TMEM132B: variants seen among roughly 807,000 people sequenced by gnomAD.
The protein encoded by TMEM132B is transmembrane protein 132B.
In TMEM132B, 18 loss-of-function variants were observed where a neutral mutation model predicts 90.8. The observed-to-expected ratio is 0.20, with a 90% CI of 0.14 to 0.29. The LOEUF (loss-of-function observed/expected upper bound fraction) is 0.29. Among genes scored for constraint, TMEM132B ranks in the 10% least tolerant of loss-of-function variants. The pLI is 1.00. For synonymous variants in TMEM132B, 504 were observed against 523.3 expected (o/e 0.96, Z 0.50); for missense variants, 1,096 against 1,326.8 (o/e 0.83, Z 2.70).
intron 1 of TMEM132B, among the ~76,000 whole-genome samples, chr12:125,292,404 T>G (rs1227814454): frequency 6.6e-6 from 1 of 152,240 alleles, no homozygotes; most frequent in Non-Finnish European, 1.5e-5. Flanking sequence ...AGGGAAGATT[T>G]GGTTTGATTA....
intron 5 of TMEM132B, among the ~76,000 whole-genome samples, chr12:125,615,317 T>C (rs1315815631): frequency 6.6e-6 from 1 of 152,098 alleles, no homozygotes; most frequent in African/African-American, 2.4e-5. Context: ...TAGATATATA[T>C]ATATGATATC....
intron 1 of TMEM132B, among the ~76,000 whole-genome samples, chr12:125,212,667 C>A (rs1482319953): frequency 6.6e-6 from 1 of 152,204 alleles, no homozygotes; most frequent in East Asian, 1.9e-4. Context: ...GCACCCCAAT[C>A]TGGGCGACAA....
intron 5 of TMEM132B, among the ~76,000 whole-genome samples, chr12:125,612,583 A>G (rs1421595345): frequency 1.4e-5 from 2 of 145,734 alleles, no homozygotes; most frequent in East Asian, 4.0e-4. Flanking sequence ...TAAAATATAT[A>G]TTATATATAT....
chr12:125,519,497 G>C lies in TMEM132B; in HGVS notation c.1165G>C (p.Asp389His), dbSNP rs748767205. The change falls in exon 4 of 9, where the codon GAC becomes CAC. Residue 389 changes from aspartate to histidine, a missense_variant. Transcript: ENST00000682704. ...QVDFGIDNSS[D>H]LAGAQQITWQ... ...GGACTTTGGAATTGATAATAGCAGT[G>C]ACCTGGCTGGGGCCCAGCAGATTAC... 1 of 1,614,124 alleles carries C rather than the reference G, an allele frequency of 6.2e-7. No individual in the cohort carries two copies. Among genetic ancestry groups the C allele is most frequent in the South Asian group, 1.1e-5 (1 of 91,054 alleles).
At chr12:125,540,513 GA>G (rs1883926287) in intron 4 of TMEM132B, among the ~76,000 whole-genome samples, 1 of 152,202 alleles carries the variant, frequency 6.6e-6, no homozygotes, top group Admixed American at 6.5e-5. Flanking sequence ...TAAAATTTAA[GA>G]TGGTTATATT....
At chr12:125,322,938 T>C (rs1259547647) in intron 1 of TMEM132B, among the ~76,000 whole-genome samples, 1 of 152,166 alleles carries the variant, frequency 6.6e-6, no homozygotes, top group African/African-American at 2.4e-5. Context: ...TTTGCCTTCA[T>C]AGACAGTAGC....
chr12:125,273,484 G>T lies in TMEM132B; in HGVS notation c.68-75968G>T, dbSNP rs548045999. Among the ~76,000 whole-genome samples the T allele has an allele frequency of 1.2e-3, 187 of 152,322 alleles. 2 individuals carry two copies. Among genetic ancestry groups the T allele is most frequent in the Non-Finnish European group, 2.2e-4 (15 of 68,028 alleles). On this transcript the variant is annotated intron_variant, in intron 1 of 8. Coordinates refer to ENST00000682704, the MANE Select transcript of TMEM132B (RefSeq NM_001366854.1). ...TGCCTGTAGTCCCAGCTACTTGGGA[G>T]GCTGAGGTGAGAGGATCTCTTGAGC...
At position 125,408,806 on chromosome 12, in the gene TMEM132B, G is replaced by A. The variant is rs927084581; in HGVS notation, c.960-6725G>A. ...AGTTATCACCAAATAGCTTTCCAAA[G>A]AGGTTGAACCAAATTACACTCATTC... On this transcript the variant is annotated intron_variant, in intron 2 of 8. Coordinates refer to ENST00000682704, the MANE Select transcript of TMEM132B (RefSeq NM_001366854.1). The surrounding 1 kb of genome is among the most constrained non-coding windows in gnomAD (Gnocchi z 5.9). Among the ~76,000 whole-genome samples, 9 of 152,160 alleles carry A rather than the reference G, an allele frequency of 5.9e-5. No individual in the cohort carries two copies. Among genetic ancestry groups the A allele is most frequent in the African/African-American group, 2.2e-4 (9 of 41,430 alleles).
chr12:125,379,725 C>G (rs1231304748), intron 2 of TMEM132B, among the ~76,000 whole-genome samples: 1 of 152,196 alleles, frequency 6.6e-6, no homozygotes, highest in African/African-American at 2.4e-5. Context: ...CAGAGCCCAT[C>G]ATGAAAGGGA....
Position 125,407,510 on chromosome 12 carries a change from G to A in TMEM132B, c.960-8021G>A, listed in dbSNP as rs553788930. On this transcript the variant is annotated intron_variant, in intron 2 of 8. Transcript: ENST00000682704. The surrounding 1 kb of genome is among the most constrained non-coding windows in gnomAD (Gnocchi z 6.7). Reference sequence around the variant, plus strand: ...AGTGAGATGGAGAAGGTGTGACCCCGTGCCCTGTCTGTCTGTCCCTGCTGG... The same window carrying A: ...AGTGAGATGGAGAAGGTGTGACCCCATGCCCTGTCTGTCTGTCCCTGCTGG... Among the ~76,000 whole-genome samples, 11 of 152,184 alleles carry A rather than the reference G, an allele frequency of 7.2e-5. No individual in the cohort carries two copies. Among genetic ancestry groups the A allele is most frequent in the East Asian group, 5.8e-4 (3 of 5,188 alleles).
At chr12:125,555,332 C>T (rs558998675) in intron 4 of TMEM132B, among the ~76,000 whole-genome samples, 1 of 151,282 alleles carries the variant, frequency 6.6e-6, no homozygotes, top group Non-Finnish European at 1.5e-5. Flanking sequence ...AATATAAAAA[C>T]AAGTGATGTA....
chr12:125,324,193 C>T lies in TMEM132B; in HGVS notation c.68-25259C>T, dbSNP rs567037683. Among the ~76,000 whole-genome samples the T allele has an allele frequency of 3.9e-5, 6 of 152,254 alleles. No homozygotes were observed. In the East Asian group the frequency reaches 5.8e-4, roughly 15 times the overall value. On this transcript the variant is annotated intron_variant, in intron 1 of 8. Coordinates refer to ENST00000682704, the MANE Select transcript of TMEM132B (RefSeq NM_001366854.1). ...TAACTTTCAAATGCCACAATCCGTGCGTTTGAATAATAATTCTTTGAAGGT... is the reference window on the plus strand; with the variant it reads ...TAACTTTCAAATGCCACAATCCGTGTGTTTGAATAATAATTCTTTGAAGGT...
intron 2 of TMEM132B, among the ~76,000 whole-genome samples, chr12:125,375,064 A>G (rs927479401): frequency 7.9e-5 from 12 of 152,312 alleles, no homozygotes; most frequent in Non-Finnish European, 1.3e-4. Flanking sequence ...CTGTATGTAA[A>G]TTTTGCTATT....
At position 125,193,565 on chromosome 12, in the gene TMEM132B, T is replaced by A. The variant is rs567713158; in HGVS notation, c.67+6699T>A. Among the ~76,000 whole-genome samples the A allele has an allele frequency of 1.2e-4, 19 of 152,320 alleles. No individual in the cohort carries two copies. In the South Asian group the frequency reaches 3.7e-3, roughly 30 times the overall value. ...AGTGACTGTGCGATCCAGGAAGACT[T>A]CTTAGAGGAGGTGGCAGTTTTCTAA... On this transcript the variant is annotated intron_variant, in intron 1 of 8. Transcript: ENST00000682704.
chr12:125,200,381 T>A (rs1421667720), intron 1 of TMEM132B, among the ~76,000 whole-genome samples: 2 of 152,224 alleles, frequency 1.3e-5, no homozygotes, highest in African/African-American at 4.8e-5. Flanking sequence ...AGTATCCCAT[T>A]GTTTTAAGTT....
chr12:125,314,238 G>T (rs922726065), intron 1 of TMEM132B, among the ~76,000 whole-genome samples: 1 of 152,200 alleles, frequency 6.6e-6, no homozygotes, highest in African/African-American at 2.4e-5. Flanking sequence ...CTTGACTTCT[G>T]TGTGGGCGTC....
intron 5 of TMEM132B, among the ~76,000 whole-genome samples, chr12:125,638,547 TAGAATTTCAGC>T (rs1364848396): frequency 3.3e-5 from 5 of 152,188 alleles, no homozygotes; most frequent in Non-Finnish European, 2.9e-5. Context: ...TCTTTTAATG[TAGAATTTCAGC>T]ATTGTTTGTA....
intron 5 of TMEM132B, among the ~76,000 whole-genome samples, chr12:125,613,604 A>ATAT (rs1219336256): frequency 6.6e-6 from 1 of 151,984 alleles, no homozygotes; most frequent in African/African-American, 2.4e-5. Context: ...GAGGTTTACC[A>ATAT]TATATCTTAT....
At chr12:125,304,136 A>G (rs769152420) in intron 1 of TMEM132B, among the ~76,000 whole-genome samples, 1 of 152,220 alleles carries the variant, frequency 6.6e-6, no homozygotes, top group Non-Finnish European at 1.5e-5. Context: ...GCAGTTCACA[A>G]TAGGGTTTGT....
Sources: gnomAD v4.1 joint callset for allele counts (sites outside exome capture counted in the v4.1 genomes callset) on GRCh38, gnomAD v4.1.1 for gene constraint, Gnocchi (gnomAD v3.1) non-coding constraint, MANE v1.5 for transcripts, NCBI Gene and HGNC (gene_info 2026-07-23, HGNC 2026-07-21) for gene names.